Variants in AXDND1 observed in about 807,000 individuals in gnomAD.
AXDND1 encodes axonemal dynein light chain domain containing 1, also known as axonemal dynein light chain domain-containing protein 1.
A neutral mutation model predicts 137.5 loss-of-function variants in AXDND1; 110 were observed. The ratio of observed to expected loss-of-function variants is 0.80; its 90% confidence interval spans 0.69 to 0.94. AXDND1 has a LOEUF of 0.94. Ranked by LOEUF, AXDND1 falls within the 40% of genes least tolerant of loss-of-function variation. The pLI, the probability that AXDND1 is intolerant of heterozygous loss-of-function variation, is 0.00. For missense variants in AXDND1, 1,191 were observed against 1,169.8 expected (o/e 1.02, Z -0.26); for synonymous variants, 414 against 399.7 (o/e 1.04, Z -0.43).
chr1:179,433,639 G>T (rs1034782931), intron 15 of AXDND1, among the ~76,000 whole-genome samples: 68 of 152,308 alleles, frequency 4.5e-4, no homozygotes, highest in African/African-American at 1.5e-3. Flanking sequence ...TCATTCAGGA[G>T]CAGGTTGTTC....
intron 18 of AXDND1, among the ~76,000 whole-genome samples, chr1:179,488,657 TTCTTTC>T (rs1306996622): frequency 1.1e-4 from 12 of 107,090 alleles, no homozygotes; most frequent in Admixed American, 1.7e-4. Context: ...CTTTCTTTCT[TTCTTTC>T]TTTCTTTCTT....
chr1:179,551,115 C>T lies in AXDND1; in HGVS notation c.3032-3397C>T, dbSNP rs1319531348. ...GGGAATGAGGACAGAGTGTCTCCCT[C>T]AGGCATGTGACTTTTCTATGGCAGG... is the stretch of plus-strand genomic sequence containing the variant. On this transcript the variant is annotated intron_variant, in intron 25 of 25. Transcript: ENST00000367618. 5.0e-6 allele frequency: 8 copies of T among 1,607,122 alleles called. No individual in the cohort carries two copies. The African/African-American group carries it at 9.4e-5, about 19-fold the overall frequency.
chr1:179,536,421 T>C (rs1671566967), intron 25 of AXDND1, among the ~76,000 whole-genome samples: 1 of 152,236 alleles, frequency 6.6e-6, no homozygotes, highest in African/African-American at 2.4e-5. Context: ...GTTTCAGCTT[T>C]CTGCATATGG....
At chr1:179,493,288 AC>A (rs1280994908) in intron 20 of AXDND1, among the ~76,000 whole-genome samples, 2 of 152,164 alleles carry the variant, frequency 1.3e-5, no homozygotes, top group African/African-American at 4.8e-5. Flanking sequence ...GACTTATTTC[AC>A]TAAGCATGAT....
intron 25 of AXDND1, 119 bp from the exon 26 acceptor site, chr1:179,554,390 AAAT>A: frequency 6.5e-7 from 1 of 1,549,568 alleles, no homozygotes; most frequent in Non-Finnish European, 8.9e-7. Context: ...TACTCAGTGA[AAAT>A]AATTTTTCAA....
chr1:179,479,779 AAAAGAAAG>A (rs67204515), intron 17 of AXDND1, among the ~76,000 whole-genome samples: 2 of 151,844 alleles, frequency 1.3e-5, no homozygotes, highest in African/African-American at 2.4e-5. Flanking sequence ...TCCATCTCAA[AAAAGAAAG>A]AAAGAAAGAA....
intron 23 of AXDND1, among the ~76,000 whole-genome samples, chr1:179,531,818 T>C (rs535737321): frequency 6.6e-6 from 1 of 152,146 alleles, no homozygotes; most frequent in South Asian, 2.1e-4. Context: ...AAAGGCAGAA[T>C]TGATGTCAGA....
chr1:179,419,362 G>A (rs1389750394), intron 12 of AXDND1, among the ~76,000 whole-genome samples: 16 of 151,732 alleles, frequency 1.1e-4, no homozygotes, highest in African/African-American at 3.1e-4. Context: ...CTGCAATCCC[G>A]GCACCTCGGG....
At chr1:179,380,110 G>A (rs564928448) in intron 6 of AXDND1, among the ~76,000 whole-genome samples, 30 of 152,044 alleles carry the variant, frequency 2.0e-4, no homozygotes, top group Admixed American at 3.9e-4. Flanking sequence ...ATAGCCGGGC[G>A]TGGTGGTGGG....
intron 11 of AXDND1, among the ~76,000 whole-genome samples, chr1:179,401,251 T>TC (rs1651990866): frequency 1.8e-5 from 1 of 55,300 alleles, no homozygotes; most frequent in Admixed American, 2.8e-4. Context: ...AGAACAAAAC[T>TC]CCATCTCAAA....
intron 15 of AXDND1, among the ~76,000 whole-genome samples, chr1:179,433,026 A>G (rs1177508665): frequency 6.6e-6 from 1 of 152,230 alleles, no homozygotes; most frequent in African/African-American, 2.4e-5. Flanking sequence ...AAATTAAGTT[A>G]GGCTGCTAGA....
At chr1:179,459,803 CT>C (rs1311690627) in intron 16 of AXDND1, among the ~76,000 whole-genome samples, 2 of 132,836 alleles carry the variant, frequency 1.5e-5, no homozygotes, top group Non-Finnish European at 3.2e-5. Flanking sequence ...CTCTCTCTTT[CT>C]TTCCTTCCTT....
intron 18 of AXDND1, among the ~76,000 whole-genome samples, chr1:179,484,472 C>T (rs957726233): frequency 1.3e-5 from 2 of 152,162 alleles, no homozygotes; most frequent in Non-Finnish European, 1.5e-5. Flanking sequence ...AGGACTCCAG[C>T]CTGACCATGC....
chr1:179,432,722 G>A (rs951722960), intron 15 of AXDND1, among the ~76,000 whole-genome samples: 2 of 151,986 alleles, frequency 1.3e-5, no homozygotes, highest in Non-Finnish European at 2.9e-5. Context: ...CACCATGCCC[G>A]ACCACATCTC....
intron 12 of AXDND1, among the ~76,000 whole-genome samples, chr1:179,427,848 G>A (rs1463692108): frequency 1.3e-5 from 2 of 151,520 alleles, no homozygotes; most frequent in Admixed American, 6.6e-5. Flanking sequence ...TGATCCCAGA[G>A]CCTGAACTCC....
At chr1:179,463,757 T>C (rs1425557200) in intron 16 of AXDND1, among the ~76,000 whole-genome samples, 2 of 152,120 alleles carry the variant, frequency 1.3e-5, no homozygotes. Context: ...GGAGTCTAAG[T>C]CTCTTTGTAG....
chr1:179,391,345 G>A (rs888354176), intron 9 of AXDND1, among the ~76,000 whole-genome samples: 19 of 151,606 alleles, frequency 1.3e-4, no homozygotes, highest in South Asian at 4.2e-4. Flanking sequence ...TGGTGTACTC[G>A]TGGTATGGTT....
intron 7 of AXDND1, 100 bp from the exon 8 acceptor site, chr1:179,383,342 G>T (rs1437826512): frequency 1.2e-6 from 1 of 830,352 alleles, no homozygotes; most frequent in Non-Finnish European, 1.9e-6. Context: ...ATATCCCAGA[G>T]AGCATATATA....
chr1:179,487,995 CAAAAAAAAAA>C (rs71114524), intron 18 of AXDND1, among the ~76,000 whole-genome samples: 2 of 101,524 alleles, frequency 2.0e-5, no homozygotes, highest in Admixed American at 9.1e-5. Flanking sequence ...GACCATGTCT[CAAAAAAAAAA>C]AAAAAAAAAA....
Sources: gnomAD v4.1 joint callset for allele counts (sites outside exome capture counted in the v4.1 genomes callset) on GRCh38, gnomAD v4.1.1 for gene constraint, MANE v1.5 for transcripts, NCBI Gene and HGNC (gene_info 2026-07-23, HGNC 2026-07-21) for gene names.